The following TSC2 variants were observed in gnomAD, a reference collection of about 807,000 sequenced individuals.
The protein encoded by TSC2 is TSC complex subunit 2, also known as tuberin.
TSC2 carries 29 observed loss-of-function variants against 202.2 expected under a neutral mutation model. That is an observed-to-expected ratio of 0.14 (90% CI 0.11 to 0.20). The LOEUF is 0.20. Ranked by LOEUF, TSC2 falls within the 10% of genes least tolerant of loss-of-function variation. TSC2 has a pLI of 1.00. For missense variants in TSC2, 2,429 were observed against 2,420.0 expected (o/e 1.00, Z -0.08); for synonymous variants, 1,349 against 1,044.0 (o/e 1.29, Z -5.63).
chr16:2,066,820 T>A (rs765316192), intron 16 of TSC2, among the ~76,000 whole-genome samples: 1 of 151,830 alleles, frequency 6.6e-6, no homozygotes, highest in Non-Finnish European at 1.5e-5. Context: ...GCCAACATAC[T>A]CGGCTAATTT....
chr16:2,069,200 C>T (rs2087841434), intron 16 of TSC2, among the ~76,000 whole-genome samples: 1 of 152,176 alleles, frequency 6.6e-6, no homozygotes, highest in Non-Finnish European at 1.5e-5. Flanking sequence ...TGTGGCCTTC[C>T]CAGAATGGGG....
intron 16 of TSC2, among the ~76,000 whole-genome samples, chr16:2,069,224 G>C (rs1402470296): frequency 2.0e-5 from 3 of 152,208 alleles, no homozygotes; most frequent in African/African-American, 4.8e-5. Context: ...GCCAGGCACT[G>C]TGTGAACCCC....
rs559468981 is a variant in TSC2 at position 2,060,556 on chromosome 16, T to C, written c.976-114T>C. On this transcript the variant is annotated intron_variant, in intron 10 of 41. Coordinates refer to ENST00000219476, the MANE Select transcript of TSC2 (RefSeq NM_000548.5). ...GTTTCTGCGGCCCCTGATAAACGTGTGGTGGGCACTGCGCGCTCAGGCGTG... is the reference window on the plus strand; with the variant it reads ...GTTTCTGCGGCCCCTGATAAACGTGCGGTGGGCACTGCGCGCTCAGGCGTG... The C allele has an allele frequency of 2.1e-4, 333 of 1,558,754 alleles. 1 individual carries two copies. In the Middle Eastern group the frequency reaches 2.5e-3, roughly 12 times the overall value.
intron 13 of TSC2, 103 bp from the exon 14 acceptor site, chr16:2,062,869 G>C (rs542480066): frequency 1.9e-5 from 25 of 1,328,732 alleles, no homozygotes; most frequent in South Asian, 3.8e-5. Flanking sequence ...GTGCCTGGCC[G>C]CGGGAGGACC....
chr16:2,075,706 C>T (rs2089230915), intron 22 of TSC2, 93 bp from the exon 23 acceptor site: 3 of 1,366,236 alleles, frequency 2.2e-6, no homozygotes, highest in Admixed American at 3.6e-5. Flanking sequence ...CTCTGCAGCA[C>T]CCCATCGCTG....
At chr16:2,055,855 C>T (rs1464857891) in intron 6 of TSC2, 3 of 453,302 alleles carry the variant, frequency 6.6e-6, no homozygotes, top group East Asian at 4.4e-5. Flanking sequence ...CGTGCCACTG[C>T]ACTCCAGCCT....
At chr16:2,073,133 C>A (rs1412757968) in intron 21 of TSC2, 150 bp downstream of exon 21, 2 of 1,289,354 alleles carry the variant, frequency 1.6e-6, no homozygotes, top group Non-Finnish European at 1.1e-6. Context: ...CTGCCAGATG[C>A]CCAGAGTGGG....
At position 2,062,634 on chromosome 16, in the gene TSC2, G is replaced by A. The variant is rs376218156; in HGVS notation, c.1361+34G>A. 176 of 1,572,580 alleles carry A rather than the reference G, an allele frequency of 1.1e-4. 1 individual carries two copies. The highest frequency in any genetic ancestry group is 8.2e-4 in the African/African-American group (61 of 74,234). ...TCCTCTGTAGCCTTGCCTGGCACCT[G>A]GAGCCTGGCCCTGTCTCTGTCTGGG... On this transcript the variant is annotated intron_variant, in intron 13 of 41. Coordinates refer to ENST00000219476, the MANE Select transcript of TSC2 (RefSeq NM_000548.5).
chr16:2,064,232 G>T (rs45460191), intron 14 of TSC2, 40 bp from the exon 15 acceptor site: 5 of 1,613,688 alleles, frequency 3.1e-6, no homozygotes, highest in Non-Finnish European at 4.2e-6. Flanking sequence ...TGTGGCCCTC[G>T]TTGGGCTGGC....
chr16:2,058,059 A>C (rs1452915408), intron 9 of TSC2, among the ~76,000 whole-genome samples: 3 of 54,990 alleles, frequency 5.5e-5, no homozygotes, highest in Admixed American at 2.3e-4. Flanking sequence ...CCTTCCCTCC[A>C]TCCTTGGAAC....
chr16:2,063,212 A>G (rs1291682188), intron 14 of TSC2, 159 bp downstream of exon 14: 3 of 871,630 alleles, frequency 3.4e-6, no homozygotes, highest in Admixed American at 2.1e-5. Context: ...ACCCCTGTTC[A>G]TTCACTGGCT....
chr16:2,071,304 A>G, intron 17 of TSC2: 1 of 629,496 alleles, frequency 1.6e-6, no homozygotes, highest in South Asian at 1.8e-5. Flanking sequence ...GCTCCGAGGC[A>G]AGGGAGGGAG....
chr16:2,081,649 ACAT>A lies in TSC2; in HGVS notation c.3668_3670del (p.Ile1223del). The A allele has an allele frequency of 6.2e-7, 1 of 1,612,954 alleles. No homozygotes were observed. Among genetic ancestry groups the A allele is most frequent in the Non-Finnish European group, 8.5e-7 (1 of 1,180,016 alleles). The stretch of plus-strand genomic sequence containing the variant: ...AACCCGCTCAGCCCTTTCTCCTCGG[ACAT>A]CAACAACATGCCCCTGCAGGAGCTG... On this transcript the variant is annotated inframe_deletion, in exon 31 of 42. Transcript: ENST00000219476.
rs547417618 is a variant in TSC2, at chr16:2,059,421, C to T, written c.975+548C>T. Reference sequence around the variant, plus strand: ...GCAATGGTGCGATCTCGGCTCACTGCAACCTCTGCCTCCCCAGTTCAAGCC... The same window carrying T: ...GCAATGGTGCGATCTCGGCTCACTGTAACCTCTGCCTCCCCAGTTCAAGCC... On this transcript the variant is annotated intron_variant, in intron 10 of 41. Transcript: ENST00000219476. Among the ~76,000 whole-genome samples, 9 of 144,514 alleles carry T rather than the reference C, an allele frequency of 6.2e-5. No homozygotes were observed. The South Asian group carries it at 2.0e-3, about 32-fold the overall frequency. The allele number at this position is 144,514 out of a possible 152,430, so 94.8% of individuals were successfully genotyped here.
Position 2,084,588 on chromosome 16 carries a change from C to T in TSC2, c.4366C>T (p.Leu1456Phe), listed in dbSNP as rs1199848222. ...CAGCTCCCCCCGCTCGCCCAGTGGC[C>T]TCCGGCCCCGAGGTTACACCATCTC... is the stretch of plus-strand genomic sequence containing the variant. ...PSSSPRSPSG[L>F]RPRGYTISDS... The change falls in exon 34 of 42, where the codon CTC (leucine) becomes TTC (phenylalanine). Residue 1456 changes from leucine to phenylalanine, a missense_variant. Physicochemically the swap from Leu to Phe is conservative, Grantham distance 22. Transcript: ENST00000219476. 6.9e-6 allele frequency: 11 copies of T among 1,605,544 alleles called. No individual in the cohort carries two copies. Among genetic ancestry groups the T allele is most frequent in the Non-Finnish European group, 9.3e-6 (11 of 1,179,724 alleles).
rs557273367 is a variant in TSC2 at position 2,053,761 on chromosome 16, G to A, written c.336+309G>A. 1.8e-5 allele frequency: 10 copies of A among 566,866 alleles called. No homozygotes were observed. The East Asian group carries it at 2.0e-4, about 11-fold the overall frequency. The allele number at this position is 566,866 out of a possible 1,614,324, so 35.1% of individuals were successfully genotyped here. The stretch of plus-strand genomic sequence containing the variant: ...TACCTGGCAGCTGGTGTGGGGCTAC[G>A]GTGTTGTTTTGCCCTTGCACCCTTT... On this transcript the variant is annotated intron_variant, in intron 4 of 41. Transcript: ENST00000219476.
intron 7 of TSC2, 30 bp downstream of exon 7, chr16:2,056,274 C>G: frequency 6.2e-7 from 1 of 1,613,682 alleles, no homozygotes; most frequent in Non-Finnish European, 8.5e-7. Flanking sequence ...AGGGCCGGCC[C>G]ATTTCACCCT....
At chr16:2,087,066 C>G (rs942316237) in intron 38 of TSC2, 195 bp downstream of exon 38, 24 of 808,482 alleles carry the variant, frequency 3.0e-5, no homozygotes, top group Non-Finnish European at 1.2e-5. Flanking sequence ...CCTGTGGCGC[C>G]TGCTGCTGAG....
At position 2,063,752 on chromosome 16, in the gene TSC2, C is replaced by G. The variant is rs1002478495; in HGVS notation, c.1444-520C>G. On this transcript the variant is annotated intron_variant, in intron 14 of 41. Transcript: ENST00000219476. ...GGCCTCCTGGAAGTTCCTCTGGGTC[C>G]TCTGGCTTCTCCCATCAGGGCTGGT... The G allele has an allele frequency of 1.3e-5, 3 of 237,458 alleles. No individual in the cohort carries two copies. The South Asian group carries it at 1.7e-4, about 14-fold the overall frequency. 14.7% of individuals were successfully genotyped at this position (237,458 alleles called of 1,614,324 possible).
Sources: gnomAD v4.1 joint callset for allele counts (sites outside exome capture counted in the v4.1 genomes callset) on GRCh38, gnomAD v4.1.1 for gene constraint, MANE v1.5 for transcripts, NCBI Gene and HGNC (gene_info 2026-07-23, HGNC 2026-07-21) for gene names.